The following PGAP1 variants were observed in gnomAD, a reference collection of about 807,000 sequenced individuals.
The protein encoded by PGAP1 is GPI inositol-deacylase.
Under a neutral mutation model 127.0 loss-of-function variants are expected in PGAP1, and 76 were observed. The observed-to-expected ratio is 0.60, with a 90% CI of 0.50 to 0.72. PGAP1 has a LOEUF of 0.72. Among genes scored for constraint, PGAP1 ranks in the 30% least tolerant of loss-of-function variants. The pLI is 0.00. For synonymous variants in PGAP1, 362 were observed against 366.5 expected (o/e 0.99, Z 0.14); for missense variants, 982 against 1,071.3 (o/e 0.92, Z 1.16).
chr2:196,912,817 C>T (rs745982593), intron 4 of PGAP1, 65 bp downstream of exon 4: 1 of 1,429,122 alleles, frequency 7.0e-7, no homozygotes, highest in Non-Finnish European at 9.4e-7. Context: ...GGAATAGCCA[C>T]AGAGATTGAT....
intron 9 of PGAP1, among the ~76,000 whole-genome samples, chr2:196,891,583 G>C (rs1277579684): frequency 6.6e-6 from 1 of 152,066 alleles, no homozygotes; most frequent in African/African-American, 2.4e-5. Flanking sequence ...AAGCTTGTGA[G>C]CCAACTCACC....
In PGAP1 at chr2:196,902,396, T is replaced by TATTCATTC. The variant is rs112012835; in HGVS notation, c.807+181_807+188dup. On this transcript the variant is annotated intron_variant, in intron 5 of 26. Coordinates refer to ENST00000354764, the MANE Select transcript of PGAP1 (RefSeq NM_024989.4). The stretch of plus-strand genomic sequence containing the variant: ...CAATTCTGCCCTCCCAACACATTCA[T>TATTCATTC]ATTCATTCATTCATTCATTTTCTCT... Among the ~76,000 whole-genome samples, 37,968 of 151,392 alleles carry TATTCATTC rather than the reference T, an allele frequency of 0.25. 5,447 individuals are homozygous for TATTCATTC. The highest frequency in any genetic ancestry group is 0.4 in the African/African-American group (16,544 of 40,980).
chr2:196,864,978 C>G lies in PGAP1; in HGVS notation c.1861+9G>C, dbSNP rs1418460059. 1.4e-6 allele frequency: 2 copies of G among 1,447,054 alleles called. No individual in the cohort carries two copies. 89.6% of individuals were successfully genotyped at this position (1,447,054 alleles called of 1,614,324 possible). A position where few individuals can be genotyped will look rare whatever the true frequency, so the allele number is the denominator to read the frequency against. On this transcript the variant is annotated intron_variant, in intron 20 of 26. Transcript: ENST00000354764. ...ACAAAAGTAACTTAAAAATTAGAAG[C>G]ATTCTTACCTGTTGAGAAAAGAGAA...
chr2:196,871,580 T>A (rs879761178), intron 18 of PGAP1, among the ~76,000 whole-genome samples: 3 of 152,146 alleles, frequency 2.0e-5, no homozygotes, highest in Non-Finnish European at 2.9e-5. Context: ...AAAACTACTA[T>A]GGCCCTGCAA....
intron 13 of PGAP1, among the ~76,000 whole-genome samples, chr2:196,879,057 T>C (rs1028140567): frequency 6.6e-6 from 1 of 152,112 alleles, no homozygotes; most frequent in Non-Finnish European, 1.5e-5. Flanking sequence ...TTAAGGCCAT[T>C]TTGTTTTATT....
intron 15 of PGAP1, 42 bp from the exon 16 acceptor site, chr2:196,873,621 T>C: frequency 6.3e-7 from 1 of 1,598,634 alleles, no homozygotes. Flanking sequence ...AAAGGTTTAC[T>C]TGTATGTTAA....
At position 196,889,996 on chromosome 2, in the gene PGAP1, G is replaced by A. The variant is rs564332984; in HGVS notation, c.1173+832C>T. Among the ~76,000 whole-genome samples, 22 of 151,720 alleles carry A rather than the reference G, an allele frequency of 1.5e-4. No homozygotes were observed. The East Asian group carries it at 1.5e-3, about 11-fold the overall frequency. ...TCACCCAGGCTGGAGCGCTAGTGGC[G>A]TGATCTCAACTCATTGCCATCTCAA... On this transcript the variant is annotated intron_variant, in intron 10 of 26. Transcript: ENST00000354764.
At chr2:196,860,477 T>C (rs1451457123) in intron 20 of PGAP1, among the ~76,000 whole-genome samples, 1 of 152,048 alleles carries the variant, frequency 6.6e-6, no homozygotes, top group African/African-American at 2.4e-5. Context: ...GAGTTCGCAA[T>C]GGGCCGAGAT....
rs950599179 is a variant in PGAP1, at chr2:196,841,386, G to C, written c.2631-14C>G. On this transcript the variant is annotated splice_polypyrimidine_tract_variant and intron_variant, in intron 26 of 26. Transcript: ENST00000354764. Reference sequence around the variant, plus strand: ...TTCAACAATTTACTGTAAAGAGACAGAGAAATATACATTACTTATGTGAAC... The same window carrying C: ...TTCAACAATTTACTGTAAAGAGACACAGAAATATACATTACTTATGTGAAC... 6 of 1,604,654 alleles carry C rather than the reference G, an allele frequency of 3.7e-6. No homozygotes were observed. The highest frequency in any genetic ancestry group is 4.3e-6 in the Non-Finnish European group (5 of 1,173,258).
chr2:196,900,235 C>A (rs1266599543), intron 5 of PGAP1, among the ~76,000 whole-genome samples: 1 of 152,138 alleles, frequency 6.6e-6, no homozygotes. Flanking sequence ...CTGAATGGAA[C>A]CTCTTGGAAA....
At position 196,835,168 on chromosome 2, in the gene PGAP1, A is replaced by G. The variant is rs1284697226; in HGVS notation, c.*6066T>C. The G allele has an allele frequency of 3.9e-5, 6 of 152,188 alleles. No homozygotes were observed. The East Asian group carries it at 1.2e-3, about 29-fold the overall frequency. The allele number at this position is 152,188 out of a possible 1,614,324, so 9.4% of individuals were successfully genotyped here. A position where few individuals can be genotyped will look rare whatever the true frequency, so the allele number is the denominator to read the frequency against. On this transcript the variant is annotated 3_prime_UTR_variant, in exon 27 of 27. Coordinates refer to ENST00000354764, the MANE Select transcript of PGAP1 (RefSeq NM_024989.4). ...TCTACTTTTCTTCCATGAGAACAAC[A>G]TATTAATGTTAACACTTTAGTATTA... is the stretch of plus-strand genomic sequence containing the variant.
At chr2:196,912,716 A>G (rs1251510811) in intron 4 of PGAP1, among the ~76,000 whole-genome samples, 166 bp downstream of exon 4, 1 of 152,160 alleles carries the variant, frequency 6.6e-6, no homozygotes, top group Non-Finnish European at 1.5e-5. Flanking sequence ...CCTAAGTTCA[A>G]TAATATAAAG....
At position 196,834,639 on chromosome 2, in the gene PGAP1, G is replaced by A. The variant is rs1700187731; in HGVS notation, c.*6595C>T. The stretch of plus-strand genomic sequence containing the variant: ...TTTATATTTTTAAAAATGTAAATAT[G>A]TAACATAATTTCCTAATTTATATAC... On this transcript the variant is annotated 3_prime_UTR_variant, in exon 27 of 27. Transcript: ENST00000354764. The A allele has an allele frequency of 6.6e-6, 1 of 152,086 alleles. No individual in the cohort carries two copies. The highest frequency in any genetic ancestry group is 1.5e-5 in the Non-Finnish European group (1 of 67,882). 9.4% of individuals were successfully genotyped at this position (152,086 alleles called of 1,614,324 possible).
chr2:196,912,192 T>G (rs533954986), intron 4 of PGAP1, among the ~76,000 whole-genome samples: 1 of 152,350 alleles, frequency 6.6e-6, no homozygotes, highest in South Asian at 2.1e-4. Flanking sequence ...TATCTCATTA[T>G]ATAAAGTGTT....
chr2:196,898,437 T>A, intron 5 of PGAP1, 68 bp from the exon 6 acceptor site: 1 of 1,077,508 alleles, frequency 9.3e-7, no homozygotes. Flanking sequence ...TATGAAATTC[T>A]TACAAGCTAA....
chr2:196,870,299 C>CTTTCT (rs1701371414), intron 19 of PGAP1, among the ~76,000 whole-genome samples: 1 of 139,810 alleles, frequency 7.2e-6, no homozygotes, highest in African/African-American at 2.6e-5. Flanking sequence ...TTCTTTCTTT[C>CTTTCT]TTTTTTTTTT....
intron 13 of PGAP1, among the ~76,000 whole-genome samples, chr2:196,876,747 T>C (rs1436194748): frequency 2.0e-5 from 3 of 152,108 alleles, no homozygotes; most frequent in Non-Finnish European, 2.9e-5. Flanking sequence ...TCTGAAGCAG[T>C]GTTACTTTGT....
intron 5 of PGAP1, among the ~76,000 whole-genome samples, chr2:196,902,238 A>G (rs992956543): frequency 1.3e-5 from 2 of 152,042 alleles, no homozygotes; most frequent in African/African-American, 2.4e-5. Flanking sequence ...GGGTCTCCCT[A>G]TGTTGCCTAG....
At chr2:196,858,991 G>A (rs1478992025) in intron 20 of PGAP1, among the ~76,000 whole-genome samples, 1 of 151,924 alleles carries the variant, frequency 6.6e-6, no homozygotes, top group African/African-American at 2.4e-5. Context: ...GCCTACCAAG[G>A]TTGAATCAAG....
Sources: gnomAD v4.1 joint callset for allele counts (sites outside exome capture counted in the v4.1 genomes callset) on GRCh38, gnomAD v4.1.1 for gene constraint, MANE v1.5 for transcripts, NCBI Gene and HGNC (gene_info 2026-07-23, HGNC 2026-07-21) for gene names.